FAM118B: variants seen among roughly 807,000 people sequenced by gnomAD.
FAM118B encodes the protein protein FAM118B.
In FAM118B, 24 loss-of-function variants were observed where a neutral mutation model predicts 38.5. The ratio of observed to expected loss-of-function variants is 0.62; its 90% CI spans 0.45 to 0.88. FAM118B has a LOEUF of 0.88. FAM118B is among the 40% of genes least tolerant of loss of function. The probability of loss-of-function intolerance (pLI) is 0.00; values close to 1 mark genes in which losing one functional copy is unlikely to be tolerated. For synonymous variants in FAM118B, 138 were observed against 156.3 expected, an observed-to-expected ratio of 0.88 and a Z score of 0.87; for missense variants, 334 against 420.0, an observed-to-expected ratio of 0.80 and a Z score of 1.79.
Position 126,256,925 on chromosome 11 carries a change from A to T in FAM118B, c.982+73A>T. The T allele has an allele frequency of 7.0e-7, 1 of 1,431,948 alleles. No homozygotes were observed. The highest frequency in any genetic ancestry group is 9.5e-7 in the Non-Finnish European group (1 of 1,052,976). The allele number at this position is 1,431,948 out of a possible 1,614,324, so 88.7% of individuals were successfully genotyped here. A position where few individuals can be genotyped will look rare whatever the true frequency, so the allele number is the denominator to read the frequency against. ...CAGCCTTTTGTGTATTTGTGATGTG[A>T]TGGGCAAAATAGTTGCCAAGATGAG... On this transcript the variant is annotated intron_variant, in intron 7 of 8. Transcript: ENST00000533050. This position sits in a 1 kb window ranked among gnomAD's most constrained non-coding sequence, Gnocchi z 6.6.
At position 126,256,062 on chromosome 11, in the gene FAM118B, G is replaced by A. The variant is rs1264193578; in HGVS notation, c.697-505G>A. 1.3e-5 allele frequency among the ~76,000 whole-genome samples: 2 copies of A among 152,164 alleles called. No homozygotes were observed. Among genetic ancestry groups the A allele is most frequent in the South Asian group, 2.1e-4 (1 of 4,830 alleles). On this transcript the variant is annotated intron_variant, in intron 6 of 8. Coordinates refer to ENST00000533050, the MANE Select transcript of FAM118B (RefSeq NM_024556.4). The surrounding 1 kb of genome is among the most constrained non-coding windows in gnomAD (Gnocchi z 6.6). ...AAGGTGGGTGGATCACTCGAGGTCG[G>A]GAGTACCAGACCAGCCTGGCCAACA... is the stretch of plus-strand genomic sequence containing the variant.
At chr11:126,239,269 G>T (rs1950323694) in intron 3 of FAM118B, among the ~76,000 whole-genome samples, 1 of 152,044 alleles carries the variant, frequency 6.6e-6, no homozygotes, top group Non-Finnish European at 1.5e-5. Context: ...AGCCAAATTG[G>T]AAGTCTTAAT....
intron 3 of FAM118B, among the ~76,000 whole-genome samples, chr11:126,237,068 C>G (rs1426995987): frequency 7.3e-6 from 1 of 137,732 alleles, no homozygotes; most frequent in African/African-American, 2.7e-5. Context: ...AGGCGCCCGC[C>G]ACCATGCCCG....
intron 3 of FAM118B, among the ~76,000 whole-genome samples, chr11:126,237,110 A>T (rs1243921180): frequency 7.3e-6 from 1 of 137,756 alleles, no homozygotes; most frequent in Admixed American, 7.7e-5. Context: ...TAGAGACGGG[A>T]TTTCACTGTG....
chr11:126,247,927 C>G (rs1482137426), intron 4 of FAM118B, among the ~76,000 whole-genome samples: 1 of 143,798 alleles, frequency 7.0e-6, no homozygotes, highest in Non-Finnish European at 1.5e-5. Context: ...ATACGTATAT[C>G]TATATATATA....
chr11:126,234,188 G>A (rs912532271), intron 2 of FAM118B, among the ~76,000 whole-genome samples: 3 of 152,150 alleles, frequency 2.0e-5, no homozygotes, highest in Non-Finnish European at 2.9e-5. Context: ...CACCCCAAAC[G>A]GTGGTAGTAT....
intron 1 of FAM118B, among the ~76,000 whole-genome samples, 198 bp downstream of exon 1, chr11:126,212,028 C>A (rs993242357): frequency 6.6e-6 from 1 of 152,220 alleles, no homozygotes; most frequent in Non-Finnish European, 1.5e-5. Flanking sequence ...AACGCTCGCC[C>A]CAGAGCCCTC....
chr11:126,212,749 G>T (rs539857890), intron 1 of FAM118B, among the ~76,000 whole-genome samples: 1 of 152,330 alleles, frequency 6.6e-6, no homozygotes, highest in South Asian at 2.1e-4. Flanking sequence ...AAAGGGTTTG[G>T]CAGAAGGGAG....
Position 126,254,355 on chromosome 11 carries a change from C to T in FAM118B, c.618C>T (p.His206=), listed in dbSNP as rs769971851. 23 of 1,614,038 alleles carry T rather than the reference C, an allele frequency of 1.4e-5. No individual in the cohort carries two copies. Among genetic ancestry groups the T allele is most frequent in the Non-Finnish European group, 1.8e-5 (21 of 1,180,030 alleles). ...EKRKLSVLHI[H]GVYTNPSGIV... ...GTAAGCTGAGCGTGTTGCATATTCA[C>T]GGAGTCTACACCAACCCTAGTGGCA... Residue 206 remains histidine (H), a synonymous_variant, in exon 6 of 9, where the codon CAC becomes CAT. Coordinates refer to ENST00000533050, the MANE Select transcript of FAM118B (RefSeq NM_024556.4).
Position 126,252,772 on chromosome 11 carries a change from C to T in FAM118B, c.568-1533C>T, listed in dbSNP as rs1424325663. On this transcript the variant is annotated intron_variant, in intron 5 of 8. Transcript: ENST00000533050. This position sits in a 1 kb window ranked among gnomAD's most constrained non-coding sequence, Gnocchi z 4.7. The stretch of plus-strand genomic sequence containing the variant: ...TAAATAGGCTGGGCACAGTGGTTCA[C>T]GTCTGTAATCCCAGCATTTTGGGTG... Among the ~76,000 whole-genome samples the T allele has an allele frequency of 4.6e-5, 7 of 151,998 alleles. No individual in the cohort carries two copies. The highest frequency in any genetic ancestry group is 2.1e-4 in the South Asian group (1 of 4,818).
chr11:126,254,458 C>G (rs1274723233), intron 6 of FAM118B, 25 bp downstream of exon 6: 4 of 1,611,896 alleles, frequency 2.5e-6, no homozygotes, highest in East Asian at 2.2e-5. Context: ...TCTTGCTGGT[C>G]TCAGGAACTC....
At chr11:126,240,687 C>A in intron 3 of FAM118B, 105 bp from the exon 4 acceptor site, 1 of 1,202,220 alleles carries the variant, frequency 8.3e-7, no homozygotes, top group Middle Eastern at 2.8e-4. Context: ...ATCTTCTTTG[C>A]AACTATAAAA....
intron 4 of FAM118B, among the ~76,000 whole-genome samples, chr11:126,249,731 CAAA>C (rs71048775): frequency 7.6e-5 from 6 of 79,012 alleles, no homozygotes; most frequent in African/African-American, 1.5e-4. Context: ...GACTCCGTCT[CAAA>C]AAAAAAAAAA....
rs116022047 is a variant in FAM118B, at chr11:126,242,111, A to G, written c.339+1067A>G. ...CTTTATAAAAATTAAAAATGGATCA[A>G]AGACCTAAATATGATACCTAAAACT... is the stretch of plus-strand genomic sequence containing the variant. On this transcript the variant is annotated intron_variant, in intron 4 of 8. Transcript: ENST00000533050. 4.4e-3 allele frequency among the ~76,000 whole-genome samples: 676 copies of G among 152,246 alleles called. 5 individuals are homozygous for G. The highest frequency in any genetic ancestry group is 0.015 in the African/African-American group (618 of 41,522).
intron 3 of FAM118B, among the ~76,000 whole-genome samples, chr11:126,236,011 A>G (rs1950270005): frequency 6.6e-6 from 1 of 152,122 alleles, no homozygotes; most frequent in Admixed American, 6.5e-5. Flanking sequence ...TAAATCTCCT[A>G]GCTATACTGA....
At chr11:126,235,541 CAG>C (rs1397739270) in intron 3 of FAM118B, among the ~76,000 whole-genome samples, 4 of 151,554 alleles carry the variant, frequency 2.6e-5, no homozygotes, top group African/African-American at 9.7e-5. Context: ...TTTTTTGAGA[CAG>C]AGTCTTGCTG....
At chr11:126,237,750 G>C (rs1218490327) in intron 3 of FAM118B, among the ~76,000 whole-genome samples, 3 of 146,176 alleles carry the variant, frequency 2.1e-5, no homozygotes, top group African/African-American at 7.5e-5. Flanking sequence ...CCAGCTACTC[G>C]GGAGGCTGAG....
chr11:126,251,578 T>G (rs191234225), intron 5 of FAM118B, among the ~76,000 whole-genome samples: 28 of 152,348 alleles, frequency 1.8e-4, no homozygotes, highest in African/African-American at 6.5e-4. Context: ...GCCCTCATAT[T>G]CTGTATGGTC....
At chr11:126,254,516 ATCT>A (rs1188264437) in intron 6 of FAM118B, 83 bp downstream of exon 6, 11 of 1,547,102 alleles carry the variant, frequency 7.1e-6, no homozygotes, top group African/African-American at 2.7e-5. Flanking sequence ...AAAGGGGAAC[ATCT>A]TCTTTTCATT....
Sources: gnomAD v4.1 joint callset for allele counts (sites outside exome capture counted in the v4.1 genomes callset) on GRCh38, gnomAD v4.1.1 for gene constraint, Gnocchi (gnomAD v3.1) non-coding constraint, MANE v1.5 for transcripts, NCBI Gene and HGNC (gene_info 2026-07-23, HGNC 2026-07-21) for gene names.